Variants in SLC26A7 observed in about 807,000 individuals in gnomAD.
SLC26A7 encodes anion exchange transporter.
SLC26A7 carries 59 observed loss-of-function variants against 82.5 expected under a neutral mutation model. That is an observed-to-expected ratio of 0.72 (90% CI 0.58 to 0.89). The LOEUF is 0.89. Among genes scored for constraint, SLC26A7 ranks in the 40% least tolerant of loss-of-function variants. The probability of loss-of-function intolerance (pLI) is 0.00; values close to 1 mark genes in which losing one functional copy is unlikely to be tolerated. For synonymous variants in SLC26A7, 271 were observed against 274.3 expected (o/e 0.99, Z 0.12); for missense variants, 820 against 793.0 (o/e 1.03, Z -0.41).
intron 2 of SLC26A7, among the ~76,000 whole-genome samples, chr8:91,263,667 T>C (rs994950628): frequency 3.9e-5 from 6 of 152,092 alleles, no homozygotes; most frequent in African/African-American, 1.4e-4. Flanking sequence ...CTATCACCTT[T>C]GCAAGGTTCC....
Position 91,223,096 on chromosome 8 carries a change from T to C in SLC26A7, c.-34+4091T>C, listed in dbSNP as rs575571631. Among the ~76,000 whole-genome samples the C allele has an allele frequency of 1.8e-4, 27 of 152,346 alleles. No individual in the cohort carries two copies. In the South Asian group the frequency reaches 5.0e-3, roughly 28 times the overall value. On this transcript the variant is annotated intron_variant, in intron 2 of 5. Transcript: ENST00000522862. ...GTATGTTCAGGAATTTATTCATTTC[T>C]TCTAGATTTTCTAGTTTATTTGCAT...
At chr8:91,311,583 C>T (rs1010237620) in intron 4 of SLC26A7, among the ~76,000 whole-genome samples, 1 of 152,150 alleles carries the variant, frequency 6.6e-6, no homozygotes, top group Non-Finnish European at 1.5e-5. Context: ...CAACCACCTC[C>T]ACCATTTGTA....
chr8:91,391,689 C>T (rs971893040), intron 16 of SLC26A7, among the ~76,000 whole-genome samples: 23 of 152,078 alleles, frequency 1.5e-4, no homozygotes, highest in African/African-American at 5.3e-4. Context: ...CTGAGGTGCT[C>T]ATTGAAAATG....
chr8:91,283,296 G>C (rs571548450), intron 2 of SLC26A7, among the ~76,000 whole-genome samples: 1 of 152,226 alleles, frequency 6.6e-6, no homozygotes, highest in East Asian at 1.9e-4. Context: ...GTGAAAGATG[G>C]GGAAGGGAGA....
intron 13 of SLC26A7, among the ~76,000 whole-genome samples, chr8:91,364,784 A>T (rs1814145313): frequency 6.6e-6 from 1 of 152,244 alleles, no homozygotes; most frequent in Non-Finnish European, 1.5e-5. Flanking sequence ...GATTTGTAGG[A>T]AGATGAAAAT....
chr8:91,344,306 T>C (rs1029204252), intron 9 of SLC26A7: 3 of 605,970 alleles, frequency 5.0e-6, no homozygotes, highest in Non-Finnish European at 6.2e-6. Flanking sequence ...AGAGCCGGGA[T>C]TGGAACCCAG....
chr8:91,262,132 G>C (rs1810984998), intron 2 of SLC26A7, among the ~76,000 whole-genome samples: 1 of 152,038 alleles, frequency 6.6e-6, no homozygotes, highest in South Asian at 2.1e-4. Flanking sequence ...TGAGGTTGTG[G>C]CACTGCGCCT....
chr8:91,298,785 T>A (rs1812084124), intron 4 of SLC26A7, among the ~76,000 whole-genome samples: 1 of 152,206 alleles, frequency 6.6e-6, no homozygotes, highest in East Asian at 1.9e-4. Flanking sequence ...CTGCTATGTA[T>A]GTGTATATCT....
At chr8:91,273,430 G>A (rs1811324598) in intron 2 of SLC26A7, among the ~76,000 whole-genome samples, 1 of 152,168 alleles carries the variant, frequency 6.6e-6, no homozygotes, top group East Asian at 1.9e-4. Context: ...AGTGGTAAGA[G>A]CTAGAAGAGC....
chr8:91,272,310 C>T (rs989581604), intron 2 of SLC26A7, among the ~76,000 whole-genome samples: 1 of 152,140 alleles, frequency 6.6e-6, no homozygotes, highest in East Asian at 1.9e-4. Flanking sequence ...GCTTGATATA[C>T]AATAGTTTAC....
intron 2 of SLC26A7, among the ~76,000 whole-genome samples, chr8:91,241,551 C>G (rs892296382): frequency 6.6e-6 from 1 of 152,018 alleles, no homozygotes; most frequent in Non-Finnish European, 1.5e-5. Context: ...ATCCTTAACA[C>G]AAAGAATACA....
chr8:91,345,820 G>A (rs2879432), intron 9 of SLC26A7, among the ~76,000 whole-genome samples: 11,413 of 152,090 alleles, frequency 0.075, 646 homozygotes, highest in African/African-American at 0.16. Context: ...TGCTATTTTC[G>A]TAATAATCAG....
At chr8:91,395,031 C>G (rs777362903) in intron 18 of SLC26A7, 31 bp from the exon 19 acceptor site, 2 of 1,598,712 alleles carry the variant, frequency 1.3e-6, no homozygotes, top group South Asian at 2.2e-5. Context: ...GAGTAAATAG[C>G]ACATACTTAC....
At chr8:91,325,427 A>T (rs1211742863) in intron 5 of SLC26A7, among the ~76,000 whole-genome samples, 5 of 152,128 alleles carry the variant, frequency 3.3e-5, no homozygotes, top group Admixed American at 2.0e-4. Flanking sequence ...TCCCTTCAGG[A>T]ACGGAGGGTG....
chr8:91,341,121 A>G (rs193156386), intron 8 of SLC26A7, among the ~76,000 whole-genome samples: 42 of 151,964 alleles, frequency 2.8e-4, no homozygotes, highest in Admixed American at 4.6e-4. Context: ...ATATCTCCCA[A>G]TGCTATCCCT....
chr8:91,371,654 T>C (rs1181346307), intron 15 of SLC26A7, among the ~76,000 whole-genome samples: 1 of 151,956 alleles, frequency 6.6e-6, no homozygotes, highest in African/African-American at 2.4e-5. Flanking sequence ...GTTGATTCTA[T>C]GACTTTTCTA....
At chr8:91,267,046 T>C (rs951595924) in intron 2 of SLC26A7, among the ~76,000 whole-genome samples, 1 of 151,974 alleles carries the variant, frequency 6.6e-6, no homozygotes, top group African/African-American at 2.4e-5. Context: ...TGTCTACTGG[T>C]TGGTGTATTC....
Position 91,395,863 on chromosome 8 carries a change from C to T in SLC26A7, c.*766C>T, listed in dbSNP as rs1301514274. ...TAAGAGGCTCTGTTTTCCACTGAAG[C>T]TTTGTTGGAGAAAGAGAATATGAAA... On this transcript the variant is annotated 3_prime_UTR_variant, in exon 19 of 19. Transcript: ENST00000276609. The T allele has an allele frequency of 6.6e-6, 1 of 152,008 alleles. No homozygotes were observed. Among genetic ancestry groups the T allele is most frequent in the Non-Finnish European group, 1.5e-5 (1 of 67,936 alleles). 9.4% of individuals were successfully genotyped at this position (152,008 alleles called of 1,614,324 possible).
intron 2 of SLC26A7, among the ~76,000 whole-genome samples, chr8:91,263,401 A>T (rs1378144343): frequency 6.6e-6 from 1 of 152,052 alleles, no homozygotes; most frequent in Non-Finnish European, 1.5e-5. Context: ...ACATTGTATC[A>T]TTTAATTTAG....
Sources: gnomAD v4.1 joint callset for allele counts (sites outside exome capture counted in the v4.1 genomes callset) on GRCh38, gnomAD v4.1.1 for gene constraint, MANE v1.5 for transcripts, NCBI Gene and HGNC (gene_info 2026-07-23, HGNC 2026-07-21) for gene names.